Variants in KCNT2 observed in about 807,000 individuals in gnomAD.
KCNT2 encodes the protein potassium sodium-activated channel subfamily T member 2, also known as potassium channel subfamily T member 2.
Under a neutral mutation model 153.8 loss-of-function variants are expected in KCNT2, and 67 were observed. The ratio of observed to expected loss-of-function variants is 0.44; its 90% CI spans 0.36 to 0.53. The LOEUF (loss-of-function observed/expected upper bound fraction) is 0.53. Ranked by LOEUF, KCNT2 falls within the 20% of genes least tolerant of loss-of-function variation. The probability of loss-of-function intolerance (pLI) is 0.00; values close to 1 mark genes in which losing one functional copy is unlikely to be tolerated. For synonymous variants in KCNT2, 500 were observed against 458.8 expected, an observed-to-expected ratio of 1.09 and a Z score of -1.15; for missense variants, 975 against 1,354.8, an observed-to-expected ratio of 0.72 and a Z score of 4.40.
chr1:196,607,789 A>C (rs953166833), intron 1 of KCNT2, among the ~76,000 whole-genome samples: 6 of 152,222 alleles, frequency 3.9e-5, no homozygotes, highest in African/African-American at 1.4e-4. Flanking sequence ...GGAGATTTTA[A>C]GTTTCTAATG....
chr1:196,459,006 C>T (rs1478931042), intron 8 of KCNT2, among the ~76,000 whole-genome samples: 1 of 151,684 alleles, frequency 6.6e-6, no homozygotes, highest in Non-Finnish European at 1.5e-5. Flanking sequence ...TTAAATTGTC[C>T]CAAATAATCA....
At chr1:196,300,103 GCAGGCTACAAAAATTACA>G (rs934914255) in intron 22 of KCNT2, among the ~76,000 whole-genome samples, 11 of 152,134 alleles carry the variant, frequency 7.2e-5, no homozygotes, top group African/African-American at 2.7e-4. Context: ...TAGGCATGTA[GCAGGCTACAAAAATTACA>G]CAGGCTGCAA....
Position 196,467,732 on chromosome 1 carries a change from G to A in KCNT2, c.514C>T (p.Leu172Phe). 6.2e-7 allele frequency: 1 copy of A among 1,606,134 alleles called. No homozygotes were observed. The highest frequency in any genetic ancestry group is 8.5e-7 in the Non-Finnish European group (1 of 1,174,542). ...LFVPVFLNCW[L>F]AKHALENMIN... ...ATATTTTCCAAGGCATGTTTGGCAA[G>A]CCAACAGTTCAGAAAGACTGGGACA... is the stretch of plus-strand genomic sequence containing the variant. The change falls in exon 7 of 28, where the codon CTT becomes TTT. Residue 172 changes from leucine (L) to phenylalanine (F), a missense_variant. Physicochemically the swap from Leu to Phe is conservative, Grantham distance 22. Coordinates refer to ENST00000294725, the MANE Select transcript of KCNT2 (RefSeq NM_198503.5).
At chr1:196,253,428 T>C (rs901362133) in intron 26 of KCNT2, among the ~76,000 whole-genome samples, 7 of 151,516 alleles carry the variant, frequency 4.6e-5, no homozygotes, top group African/African-American at 1.7e-4. Flanking sequence ...TTTATTTCCT[T>C]ATCATGTTCT....
chr1:196,388,887 TA>T (rs768952481), intron 13 of KCNT2, among the ~76,000 whole-genome samples: 46 of 151,838 alleles, frequency 3.0e-4, no homozygotes, highest in Middle Eastern at 3.4e-3. Context: ...TAATTTGCCT[TA>T]TTGCACAGGT....
chr1:196,523,365 C>T (rs1258824406), intron 1 of KCNT2, among the ~76,000 whole-genome samples: 1 of 152,152 alleles, frequency 6.6e-6, no homozygotes, highest in Non-Finnish European at 1.5e-5. Context: ...GACCAAGAAC[C>T]CACTGGAAGG....
intron 8 of KCNT2, among the ~76,000 whole-genome samples, chr1:196,458,536 T>C (rs1676876659): frequency 6.6e-6 from 1 of 151,960 alleles, no homozygotes; most frequent in Non-Finnish European, 1.5e-5. Context: ...CTAAAAGTCA[T>C]AATTAATCTA....
intron 26 of KCNT2, among the ~76,000 whole-genome samples, chr1:196,240,522 A>T (rs181362537): frequency 9.1e-4 from 139 of 152,202 alleles, no homozygotes; most frequent in African/African-American, 3.2e-3. Context: ...GCAGTAAGTT[A>T]TAAAAAACAA....
intron 3 of KCNT2, 49 bp from the exon 4 acceptor site, chr1:196,482,428 A>G (rs1398340187): frequency 5.9e-6 from 6 of 1,020,876 alleles, no homozygotes; most frequent in South Asian, 3.2e-5. Context: ...TGAAAAATCT[A>G]TTCACTTTTA....
chr1:196,361,240 C>G (rs955866100), intron 14 of KCNT2, among the ~76,000 whole-genome samples: 1 of 151,856 alleles, frequency 6.6e-6, no homozygotes, highest in Non-Finnish European at 1.5e-5. Flanking sequence ...ATCCTACACT[C>G]CCTGCCCACA....
At chr1:196,426,017 A>T (rs1412498653) in intron 10 of KCNT2, 29 bp from the exon 11 acceptor site, 18 of 1,592,266 alleles carry the variant, frequency 1.1e-5, no homozygotes, top group Non-Finnish European at 1.5e-5. Flanking sequence ...GCAATGGAAT[A>T]GAAACAAAAA....
chr1:196,233,066 A>G (rs1654099455), intron 27 of KCNT2, among the ~76,000 whole-genome samples: 1 of 151,418 alleles, frequency 6.6e-6, no homozygotes, highest in South Asian at 2.1e-4. Context: ...GATGCCATGA[A>G]AAAAGAACAG....
chr1:196,322,274 A>C (rs1663396879), intron 19 of KCNT2, among the ~76,000 whole-genome samples: 2 of 151,912 alleles, frequency 1.3e-5, no homozygotes, highest in Admixed American at 1.3e-4. Context: ...TAAATGTCGA[A>C]AAATTGTTAC....
chr1:196,568,681 A>T (rs1660411852), intron 1 of KCNT2, among the ~76,000 whole-genome samples: 1 of 151,234 alleles, frequency 6.6e-6, no homozygotes, highest in Non-Finnish European at 1.5e-5. Flanking sequence ...TTTTCTGGCA[A>T]CTCACCTCCT....
At chr1:196,288,421 C>A (rs1355841408) in intron 22 of KCNT2, among the ~76,000 whole-genome samples, 1 of 152,014 alleles carries the variant, frequency 6.6e-6, no homozygotes, top group Non-Finnish European at 1.5e-5. Context: ...TTTCATCTTA[C>A]AGGCAATGGG....
intron 23 of KCNT2, among the ~76,000 whole-genome samples, chr1:196,284,248 A>AAAAAAAAAAAAAAAAAAAAAAATAT: frequency 1.0e-4 from 1 of 10,050 alleles, no homozygotes; most frequent in Non-Finnish European, 5.3e-4. Context: ...AAAAAAAAAA[A>AAAAAAAAAAAAAAAAAAAAAAATAT]ATATATATAT....
chr1:196,313,081 G>C (rs556173462), intron 21 of KCNT2, among the ~76,000 whole-genome samples: 88 of 151,740 alleles, frequency 5.8e-4, no homozygotes, highest in Admixed American at 2.6e-3. Context: ...ATTATCCATT[G>C]AGGATTTCAG....
chr1:196,438,082 T>C (rs1674886192), intron 8 of KCNT2, among the ~76,000 whole-genome samples: 1 of 151,682 alleles, frequency 6.6e-6, no homozygotes, highest in Non-Finnish European at 1.5e-5. Flanking sequence ...AACTTCCCAT[T>C]GGCTATAATG....
chr1:196,334,175 G>A, intron 16 of KCNT2, 115 bp from the exon 17 acceptor site: 1 of 580,354 alleles, frequency 1.7e-6, no homozygotes, highest in Admixed American at 3.0e-5. Flanking sequence ...TATAGAGAGA[G>A]TATATATTTA....
Sources: allele counts gnomAD v4.1 joint callset (sites outside exome capture counted in the v4.1 genomes callset), GRCh38; gene constraint gnomAD v4.1.1; transcripts MANE v1.5; gene names NCBI Gene and HGNC (gene_info 2026-07-23, HGNC 2026-07-21).